Variants in EEA1 observed in about 807,000 individuals in gnomAD.
The protein encoded by EEA1 is early endosome antigen 1, 162kD.
EEA1 carries 111 observed loss-of-function variants against 209.2 expected under a neutral mutation model. The ratio of observed to expected loss-of-function variants is 0.53; its 90% CI spans 0.45 to 0.62. EEA1 has a LOEUF of 0.62. Among genes scored for constraint, EEA1 ranks in the 20% least tolerant of loss-of-function variants. The pLI is 0.00. For missense variants in EEA1, 1,343 were observed against 1,530.8 expected, an observed-to-expected ratio of 0.88 and a Z score of 2.05; for synonymous variants, 536 against 540.6, an observed-to-expected ratio of 0.99 and a Z score of 0.12.
At chr12:92,880,842 T>C (rs1879107237) in intron 2 of EEA1, among the ~76,000 whole-genome samples, 1 of 152,164 alleles carries the variant, frequency 6.6e-6, no homozygotes, top group Non-Finnish European at 1.5e-5. Context: ...TTATTCCTTC[T>C]GCCAAGTACA....
chr12:92,826,137 A>AC (rs1465329370), intron 13 of EEA1, 29 bp downstream of exon 13: 3 of 1,608,110 alleles, frequency 1.9e-6, no homozygotes, highest in Non-Finnish European at 2.5e-6. Context: ...ATTTGTGTTT[A>AC]CAAGGCTAAT....
intron 13 of EEA1, among the ~76,000 whole-genome samples, chr12:92,823,643 G>C (rs1876164042): frequency 6.6e-6 from 1 of 152,154 alleles, no homozygotes; most frequent in African/African-American, 2.4e-5. Flanking sequence ...GACTTTTCAT[G>C]TTTCCATAAT....
intron 21 of EEA1, among the ~76,000 whole-genome samples, chr12:92,788,357 C>T (rs1186277475): frequency 6.6e-6 from 1 of 151,348 alleles, no homozygotes; most frequent in Non-Finnish European, 1.5e-5. Flanking sequence ...AGGGAGCATG[C>T]AGTGCTAGAT....
chr12:92,776,259 T>A, intron 28 of EEA1, 126 bp from the exon 29 acceptor site: 1 of 847,606 alleles, frequency 1.2e-6, no homozygotes, highest in Non-Finnish European at 1.7e-6. Context: ...GTATATTATT[T>A]AATGATATGT....
At position 92,793,079 on chromosome 12, in the gene EEA1, C is replaced by A. The variant is rs547590888; in HGVS notation, c.2968-5030G>T. 3.3e-5 allele frequency among the ~76,000 whole-genome samples: 5 copies of A among 152,240 alleles called. No individual in the cohort carries two copies. In the East Asian group the frequency reaches 5.8e-4, roughly 18 times the overall value. On this transcript the variant is annotated intron_variant, in intron 21 of 28. Transcript: ENST00000322349. ...AGAAAAGGCCCTCGACAAAATTCAA[C>A]AGCCTTCATGCTAAAAACTCTCAAC...
chr12:92,833,089 A>G (rs1876734521), intron 10 of EEA1, among the ~76,000 whole-genome samples: 1 of 152,180 alleles, frequency 6.6e-6, no homozygotes. Context: ...GCAAATGTTG[A>G]CATAAAAAAA....
intron 15 of EEA1, 126 bp downstream of exon 15, chr12:92,816,074 C>A: frequency 1.2e-6 from 1 of 810,866 alleles, no homozygotes. Context: ...TAGATATAGC[C>A]TTTATCTAAT....
chr12:92,922,810 T>C (rs1464125211), intron 1 of EEA1, among the ~76,000 whole-genome samples: 4 of 151,130 alleles, frequency 2.6e-5, no homozygotes, highest in Non-Finnish European at 4.4e-5. Flanking sequence ...AAAAAAAAAT[T>C]AGCTGGGAGT....
In EEA1 at chr12:92,782,114, G is replaced by A. The variant is rs1427009834; in HGVS notation, c.3172C>T (p.Leu1058=). The A allele has an allele frequency of 6.2e-7, 1 of 1,610,754 alleles. No homozygotes were observed. The highest frequency in any genetic ancestry group is 8.5e-7 in the Non-Finnish European group (1 of 1,178,330). The change falls in exon 23 of 29, where the codon CTA becomes TTA. Residue 1058 remains leucine, a synonymous_variant. Coordinates refer to ENST00000322349, the MANE Select transcript of EEA1 (RefSeq NM_003566.4). ...TTTGAAATCAAGTCCTCCTGTGCTA[G>A]AGAAAGCTTCTCTTCTACAGACTTA... ...DLKSVEEKLS[L]AQEDLISNRN... is the part of the protein sequence containing the mutation.
chr12:92,839,331 T>TG (rs1269081676), intron 10 of EEA1, among the ~76,000 whole-genome samples: 34 of 152,356 alleles, frequency 2.2e-4, no homozygotes, highest in Non-Finnish European at 4.7e-4. Flanking sequence ...AAAAGTCCAC[T>TG]GACTCGGTTT....
intron 2 of EEA1, among the ~76,000 whole-genome samples, chr12:92,865,836 T>C (rs1750356108): frequency 6.6e-6 from 1 of 150,756 alleles, no homozygotes. Flanking sequence ...AACCTCCACC[T>C]CCTGGGTTCA....
intron 8 of EEA1, 94 bp downstream of exon 8, chr12:92,852,081 A>C (rs1229145129): frequency 9.7e-7 from 1 of 1,027,180 alleles, no homozygotes; most frequent in Non-Finnish European, 1.3e-6. Flanking sequence ...TTTCACTCAA[A>C]TTATATTTTT....
intron 2 of EEA1, among the ~76,000 whole-genome samples, chr12:92,869,792 A>C (rs11106724): frequency 1.1e-3 from 152 of 143,626 alleles, no homozygotes; most frequent in African/African-American, 3.8e-3. Flanking sequence ...AAAAAAAGGA[A>C]AGCCCTTATT....
chr12:92,864,715 T>C, intron 3 of EEA1, 145 bp downstream of exon 3: 1 of 733,964 alleles, frequency 1.4e-6, no homozygotes, highest in Non-Finnish European at 2.0e-6. Flanking sequence ...TTAACAATAG[T>C]GGAGGAAGGA....
chr12:92,871,993 G>T (rs970649107), intron 2 of EEA1, among the ~76,000 whole-genome samples: 3 of 151,682 alleles, frequency 2.0e-5, no homozygotes, highest in Admixed American at 6.6e-5. Context: ...GGGTTCTTGT[G>T]CCTCAGCCTC....
At chr12:92,903,329 A>C (rs1880233346) in intron 1 of EEA1, among the ~76,000 whole-genome samples, 1 of 151,542 alleles carries the variant, frequency 6.6e-6, no homozygotes, top group Non-Finnish European at 1.5e-5. Context: ...CGGAAGCGGT[A>C]GCTCACGCCT....
intron 22 of EEA1, among the ~76,000 whole-genome samples, chr12:92,785,804 G>A (rs1395330675): frequency 6.6e-6 from 1 of 152,116 alleles, no homozygotes; most frequent in Non-Finnish European, 1.5e-5. Context: ...TCTATCCAAG[G>A]TCCCTTAACA....
At chr12:92,800,904 T>C (rs991792578) in intron 20 of EEA1, among the ~76,000 whole-genome samples, 2 of 152,218 alleles carry the variant, frequency 1.3e-5, no homozygotes, top group Non-Finnish European at 2.9e-5. Flanking sequence ...ACAACACAAG[T>C]CTGCTTTCAA....
intron 2 of EEA1, among the ~76,000 whole-genome samples, chr12:92,885,018 G>A (rs1216258886): frequency 2.1e-5 from 3 of 145,900 alleles, no homozygotes; most frequent in African/African-American, 7.6e-5. Context: ...TGATCATGAT[G>A]CAGAATAAAT....
Sources: allele counts gnomAD v4.1 joint callset (sites outside exome capture counted in the v4.1 genomes callset), GRCh38; gene constraint gnomAD v4.1.1; transcripts MANE v1.5; gene names NCBI Gene and HGNC (gene_info 2026-07-23, HGNC 2026-07-21).